The following SCAF4 variants were observed in gnomAD, a reference collection of about 807,000 sequenced individuals.
SCAF4 encodes SR-related CTD associated factor 4.
SCAF4 carries 25 observed loss-of-function variants against 129.8 expected under a neutral mutation model. The observed-to-expected ratio is 0.19, with a 90% CI of 0.14 to 0.27. The LOEUF (loss-of-function observed/expected upper bound fraction) is 0.27, where lower values mean the gene tolerates loss of function less well. Among genes scored for constraint, SCAF4 ranks in the 10% least tolerant of loss-of-function variants. SCAF4 has a pLI of 1.00. For synonymous variants in SCAF4, 551 were observed against 497.7 expected, an observed-to-expected ratio of 1.11 and a Z score of -1.43; for missense variants, 1,246 against 1,457.1, an observed-to-expected ratio of 0.86 and a Z score of 2.36.
Position 31,673,123 on chromosome 21 carries a change from AT to A in SCAF4, c.2489-770del, listed in dbSNP as rs924506829. 3.2e-4 allele frequency among the ~76,000 whole-genome samples: 49 copies of A among 152,214 alleles called. 2 individuals carry two copies. Among genetic ancestry groups the A allele is most frequent in the Non-Finnish European group, 7.3e-5 (5 of 68,036 alleles). On this transcript the variant is annotated intron_variant, in intron 19 of 19. Coordinates refer to ENST00000286835, the MANE Select transcript of SCAF4 (RefSeq NM_020706.2). Reference sequence around the variant, plus strand: ...GTCTGGTAAGGTTGGTGCTGCTGAAATAACAATGACTTCTTGGTTTTATTTT... The same window carrying A: ...GTCTGGTAAGGTTGGTGCTGCTGAAAAACAATGACTTCTTGGTTTTATTTT...
intron 1 of SCAF4, among the ~76,000 whole-genome samples, chr21:31,717,975 C>T (rs575128091): frequency 6.6e-6 from 1 of 151,712 alleles, no homozygotes; most frequent in Non-Finnish European, 1.5e-5. Flanking sequence ...TGGAGTTTCA[C>T]TCTCATTGCC....
At position 31,731,646 on chromosome 21, in the gene SCAF4, C is replaced by G. The variant is rs759883715; in HGVS notation, c.30+17G>C. 2 of 1,589,436 alleles carry G rather than the reference C, an allele frequency of 1.3e-6. No individual in the cohort carries two copies. The highest frequency in any genetic ancestry group is 1.7e-5 in the Admixed American group (1 of 58,824). On this transcript the variant is annotated intron_variant, in intron 1 of 19. Coordinates refer to ENST00000286835, the MANE Select transcript of SCAF4 (RefSeq NM_020706.2). Reference sequence around the variant, plus strand: ...CCGCAGCAGGCCCGGCACCCCCCTGCCCCAAACACCCCTTACCTCCTGGTT... The same window carrying G: ...CCGCAGCAGGCCCGGCACCCCCCTGGCCCAAACACCCCTTACCTCCTGGTT...
intron 1 of SCAF4, among the ~76,000 whole-genome samples, chr21:31,726,517 T>G (rs1445085994): frequency 6.6e-6 from 1 of 152,086 alleles, no homozygotes. Context: ...ATTGAAAAAT[T>G]AGCCAGGCAT....
chr21:31,716,778 A>C (rs2050929448), intron 1 of SCAF4, among the ~76,000 whole-genome samples: 1 of 152,114 alleles, frequency 6.6e-6, no homozygotes, highest in Admixed American at 6.5e-5. Flanking sequence ...TAATTTACTA[A>C]ATGTGTGTCT....
chr21:31,680,090 C>T (rs1461724217), intron 19 of SCAF4, among the ~76,000 whole-genome samples: 1 of 152,162 alleles, frequency 6.6e-6, no homozygotes, highest in Non-Finnish European at 1.5e-5. Flanking sequence ...ATCTAGAGCC[C>T]AGAGTTACTG....
intron 1 of SCAF4, among the ~76,000 whole-genome samples, chr21:31,718,723 T>A (rs1187243285): frequency 1.3e-5 from 2 of 152,232 alleles, no homozygotes; most frequent in Admixed American, 6.5e-5. Flanking sequence ...AATTTACTCT[T>A]CAGATTTCAA....
chr21:31,674,420 A>C (rs1021073414), intron 19 of SCAF4, among the ~76,000 whole-genome samples: 7 of 152,222 alleles, frequency 4.6e-5, no homozygotes, highest in Non-Finnish European at 7.3e-5. Flanking sequence ...AAATAAAGCT[A>C]AAAAGATGTG....
intron 1 of SCAF4, among the ~76,000 whole-genome samples, chr21:31,715,862 A>G (rs1162768688): frequency 6.6e-6 from 1 of 152,226 alleles, no homozygotes. Context: ...TAATGCAATC[A>G]TATACAATAC....
intron 1 of SCAF4, among the ~76,000 whole-genome samples, chr21:31,726,418 T>C (rs1457246442): frequency 6.6e-6 from 1 of 152,168 alleles, no homozygotes; most frequent in Non-Finnish European, 1.5e-5. Flanking sequence ...CCCAGTACTT[T>C]CAGGGGGCTA....
chr21:31,730,506 G>C (rs1358570136), intron 1 of SCAF4, among the ~76,000 whole-genome samples: 1 of 152,186 alleles, frequency 6.6e-6, no homozygotes, highest in African/African-American at 2.4e-5. Flanking sequence ...CTAAAGGAAA[G>C]TTATTGCACC....
At chr21:31,710,822 G>T (rs971682650) in intron 1 of SCAF4, among the ~76,000 whole-genome samples, 1 of 152,190 alleles carries the variant, frequency 6.6e-6, no homozygotes, top group Non-Finnish European at 1.5e-5. Flanking sequence ...GGAATGAGTG[G>T]CAGGCAAGGA....
At chr21:31,718,565 G>A (rs1335136452) in intron 1 of SCAF4, among the ~76,000 whole-genome samples, 4 of 152,126 alleles carry the variant, frequency 2.6e-5, no homozygotes, top group Non-Finnish European at 5.9e-5. Flanking sequence ...CAAAGTACTG[G>A]GATTACAGGC....
At chr21:31,710,320 G>A (rs1045727735) in intron 1 of SCAF4, among the ~76,000 whole-genome samples, 5 of 152,062 alleles carry the variant, frequency 3.3e-5, no homozygotes, top group South Asian at 2.1e-4. Flanking sequence ...AGGCCAAGGC[G>A]GGCAGATCAC....
At chr21:31,709,425 T>TA (rs2050747465) in intron 1 of SCAF4, among the ~76,000 whole-genome samples, 1 of 151,336 alleles carries the variant, frequency 6.6e-6, no homozygotes, top group Admixed American at 6.6e-5. Flanking sequence ...ATTAAAAGCT[T>TA]AGAGTAAATT....
At chr21:31,692,530 CA>C (rs2050283702) in intron 12 of SCAF4, 81 bp from the exon 13 acceptor site, 2 of 855,678 alleles carry the variant, frequency 2.3e-6, no homozygotes, top group Non-Finnish European at 3.8e-6. Context: ...AATCATTACA[CA>C]AAATATTCAT....
chr21:31,671,738 C>G lies in SCAF4; in HGVS notation c.3105G>C (p.Arg1035Ser), dbSNP rs138418942. Residue 1035 changes from arginine (R) to serine (S), a missense_variant, in exon 20 of 20, where the codon AGG becomes AGC. Physicochemically the swap from Arg to Ser is moderately radical, Grantham distance 110. Transcript: ENST00000286835. The stretch of plus-strand genomic sequence containing the variant: ...TGTGCCTGTCCCGGTCAGGGCTCCT[C>G]CTTCCCCACTCTCTCCTGTCACGGT... Reference protein sequence around the residue: ...NSNRDRREWGRRSPDRDRHRD... With the variant: ...NSNRDRREWGSRSPDRDRHRD... 96 of 1,614,056 alleles carry G rather than the reference C, an allele frequency of 5.9e-5. No individual in the cohort carries two copies. Among genetic ancestry groups the G allele is most frequent in the Non-Finnish European group, 7.6e-5 (90 of 1,180,014 alleles).
intron 1 of SCAF4, among the ~76,000 whole-genome samples, chr21:31,724,505 C>T (rs1158922488): frequency 6.6e-6 from 1 of 152,150 alleles, no homozygotes; most frequent in African/African-American, 2.4e-5. Context: ...AAGGATTTGG[C>T]ATATTGTCTC....
intron 1 of SCAF4, 40 bp from the exon 2 acceptor site, chr21:31,706,397 A>T: frequency 7.4e-7 from 1 of 1,359,534 alleles, no homozygotes; most frequent in Non-Finnish European, 1.0e-6. Flanking sequence ...AAGTTTAACT[A>T]TTTGGCTAGT....
chr21:31,716,389 A>C (rs2050920289), intron 1 of SCAF4, among the ~76,000 whole-genome samples: 1 of 152,076 alleles, frequency 6.6e-6, no homozygotes. Flanking sequence ...ATACATATAT[A>C]CTCACAATGA....
Sources: gnomAD v4.1 joint callset for allele counts (sites outside exome capture counted in the v4.1 genomes callset) on GRCh38, gnomAD v4.1.1 for gene constraint, MANE v1.5 for transcripts, NCBI Gene and HGNC (gene_info 2026-07-23, HGNC 2026-07-21) for gene names.